VMP1: variants seen among roughly 807,000 people sequenced by gnomAD.
The protein encoded by VMP1 is vacuole membrane protein 1, also known as ectopic P-granules autophagy protein 3 homolog.
VMP1 carries 11 observed loss-of-function variants against 56.0 expected under a neutral mutation model. That is an observed-to-expected ratio of 0.20 (90% confidence interval 0.12 to 0.32). The LOEUF (loss-of-function observed/expected upper bound fraction) is 0.32. Ranked by LOEUF, VMP1 falls within the 10% of genes least tolerant of loss-of-function variation. The probability of loss-of-function intolerance (pLI) is 1.00; values close to 1 mark genes in which losing one functional copy is unlikely to be tolerated. For synonymous variants in VMP1, 149 were observed against 165.0 expected (o/e 0.90, Z 0.74); for missense variants, 296 against 490.3 (o/e 0.60, Z 3.74).
intron 1 of VMP1, among the ~76,000 whole-genome samples, chr17:59,723,762 G>A (rs2034486686): frequency 6.6e-6 from 1 of 152,148 alleles, no homozygotes; most frequent in Non-Finnish European, 1.5e-5. Flanking sequence ...AAGGAGGAAG[G>A]AAATGATATA....
chr17:59,786,703 C>T (rs2037018260), intron 7 of VMP1, among the ~76,000 whole-genome samples: 1 of 152,132 alleles, frequency 6.6e-6, no homozygotes, highest in Non-Finnish European at 1.5e-5. Flanking sequence ...TTCCCTGTAA[C>T]CACAGGGCTT....
At chr17:59,784,142 T>TGAGA (rs1555621322) in intron 7 of VMP1, among the ~76,000 whole-genome samples, 2,424 of 130,372 alleles carry the variant, frequency 0.019, 52 homozygotes, top group African/African-American at 0.03. Context: ...TGTGTGTGTG[T>TGAGA]GAGAGAGAGA....
In VMP1 at chr17:59,840,112, A is replaced by G. The variant is rs546649647; in HGVS notation, c.*201A>G. ...AGGTAAGGTATCCACCCTCGATGCAATCCACCTTGTGTTTTCTTAGGGTGG... is the reference window on the plus strand; with the variant it reads ...AGGTAAGGTATCCACCCTCGATGCAGTCCACCTTGTGTTTTCTTAGGGTGG... On this transcript the variant is annotated 3_prime_UTR_variant, in exon 12 of 12. Coordinates refer to ENST00000262291, the MANE Select transcript of VMP1 (RefSeq NM_030938.5). The G allele has an allele frequency of 3.5e-6, 2 of 572,872 alleles. No homozygotes were observed. The highest frequency in any genetic ancestry group is 4.9e-5 in the South Asian group (2 of 40,962). The allele number at this position is 572,872 out of a possible 1,614,324, so 35.5% of individuals were successfully genotyped here.
chr17:59,714,980 C>G (rs931537595), intron 1 of VMP1, among the ~76,000 whole-genome samples: 1 of 152,154 alleles, frequency 6.6e-6, no homozygotes, highest in Non-Finnish European at 1.5e-5. Flanking sequence ...CTGTGCCTGG[C>G]CTATTTCTGT....
intron 7 of VMP1, among the ~76,000 whole-genome samples, chr17:59,806,001 A>T (rs937233976): frequency 6.6e-6 from 1 of 152,144 alleles, no homozygotes; most frequent in African/African-American, 2.4e-5. Context: ...CTGATTTTAT[A>T]TATTTAATTC....
intron 5 of VMP1, among the ~76,000 whole-genome samples, chr17:59,743,580 C>CTA (rs1194117956): frequency 8.9e-4 from 130 of 146,870 alleles, no homozygotes; most frequent in Non-Finnish European, 1.3e-3. Context: ...CTCTCTCTCT[C>CTA]TATATATATA....
chr17:59,802,292 G>A (rs1489843083), intron 7 of VMP1, among the ~76,000 whole-genome samples: 1 of 151,828 alleles, frequency 6.6e-6, no homozygotes, highest in Non-Finnish European at 1.5e-5. Context: ...ATTTAGTACA[G>A]TAACAGGTTG....
intron 1 of VMP1, 121 bp from the exon 2 acceptor site, chr17:59,731,300 A>G: frequency 1.9e-6 from 1 of 517,474 alleles, no homozygotes; most frequent in Non-Finnish European, 3.3e-6. Context: ...AAAAGTGTAA[A>G]CACATCATAC....
At chr17:59,719,533 T>C (rs2034312270) in intron 1 of VMP1, among the ~76,000 whole-genome samples, 1 of 152,154 alleles carries the variant, frequency 6.6e-6, no homozygotes, top group Admixed American at 6.5e-5. Flanking sequence ...TGGGATGATG[T>C]TGCCAAGAAA....
chr17:59,764,842 A>G, intron 5 of VMP1, 129 bp from the exon 6 acceptor site: 1 of 642,616 alleles, frequency 1.6e-6, no homozygotes, highest in South Asian at 5.7e-5. Flanking sequence ...TCTTGAAATT[A>G]TTTAGAATTA....
At chr17:59,744,462 CAAAAAAAAA>C (rs60407542) in intron 5 of VMP1, among the ~76,000 whole-genome samples, 1 of 53,870 alleles carries the variant, frequency 1.9e-5, no homozygotes, top group African/African-American at 6.6e-5. Flanking sequence ...AATTCCATCT[CAAAAAAAAA>C]AAAAAAAAAA....
chr17:59,716,462 G>C (rs2034155191), intron 1 of VMP1, among the ~76,000 whole-genome samples: 1 of 152,158 alleles, frequency 6.6e-6, no homozygotes, highest in Non-Finnish European at 1.5e-5. Context: ...TTTTCATCTT[G>C]TGTGTATATG....
chr17:59,742,157 G>A (rs1044175149), intron 5 of VMP1, among the ~76,000 whole-genome samples: 3 of 152,016 alleles, frequency 2.0e-5, no homozygotes, highest in African/African-American at 7.2e-5. Flanking sequence ...GTAGTTGAAT[G>A]GAAAGAGAAG....
chr17:59,781,962 G>A (rs2144076007), intron 7 of VMP1, among the ~76,000 whole-genome samples: 1 of 152,200 alleles, frequency 6.6e-6, no homozygotes, highest in Middle Eastern at 3.4e-3. Context: ...ATGCTGGAGT[G>A]CAGTGGTGTG....
intron 5 of VMP1, among the ~76,000 whole-genome samples, chr17:59,758,108 C>G (rs957672151): frequency 6.6e-6 from 1 of 151,994 alleles, no homozygotes; most frequent in South Asian, 2.1e-4. Context: ...TCCCAAAGTG[C>G]TGAGAATACA....
intron 7 of VMP1, among the ~76,000 whole-genome samples, chr17:59,799,621 C>T (rs1389583193): frequency 6.6e-6 from 1 of 152,044 alleles, no homozygotes; most frequent in Non-Finnish European, 1.5e-5. Flanking sequence ...ATCCCGTGAC[C>T]TTATTATGTT....
intron 8 of VMP1, 62 bp downstream of exon 8, chr17:59,808,938 T>C: frequency 7.3e-7 from 1 of 1,365,752 alleles, no homozygotes; most frequent in Non-Finnish European, 1.0e-6. Flanking sequence ...TTGATCCATA[T>C]ATACTCCTGA....
chr17:59,809,787 T>G (rs1192735249), intron 8 of VMP1, among the ~76,000 whole-genome samples: 3 of 152,060 alleles, frequency 2.0e-5, no homozygotes. Flanking sequence ...ATTACAGGTG[T>G]GAGCTACTGC....
At chr17:59,808,729 C>A in intron 7 of VMP1, 67 bp from the exon 8 acceptor site, 1 of 1,314,966 alleles carries the variant, frequency 7.6e-7, no homozygotes. Flanking sequence ...TTAATAAACT[C>A]TAGAAAGAAC....
Sources: gnomAD v4.1 joint callset for allele counts (sites outside exome capture counted in the v4.1 genomes callset) on GRCh38, gnomAD v4.1.1 for gene constraint, MANE v1.5 for transcripts, NCBI Gene and HGNC (gene_info 2026-07-23, HGNC 2026-07-21) for gene names.